The following PCDHA11 variants were observed in gnomAD, a reference collection of about 807,000 sequenced individuals.
The protein encoded by PCDHA11 is protocadherin alpha-11.
PCDHA11 carries 61 observed loss-of-function variants against 70.3 expected under a neutral mutation model. That is an observed-to-expected ratio of 0.87 (90% CI 0.71 to 1.07). The LOEUF is 1.07. Ranked by LOEUF, PCDHA11 falls within the 50% of genes least tolerant of loss-of-function variation. The pLI, the probability that PCDHA11 is intolerant of heterozygous loss-of-function variation, is 0.00. For synonymous variants in PCDHA11, 633 were observed against 555.1 expected (o/e 1.14, Z -1.97); for missense variants, 1,324 against 1,237.5 (o/e 1.07, Z -1.05).
intron 1 of PCDHA11, among the ~76,000 whole-genome samples, chr5:140,916,262 G>C (rs1379588605): frequency 6.6e-6 from 1 of 152,202 alleles, no homozygotes; most frequent in Non-Finnish European, 1.5e-5. Flanking sequence ...GACCCCAAGA[G>C]CATGCTTGTT....
At chr5:140,917,815 G>T (rs554230002) in intron 1 of PCDHA11, among the ~76,000 whole-genome samples, 1 of 152,018 alleles carries the variant, frequency 6.6e-6, no homozygotes, top group South Asian at 2.1e-4. Context: ...TATAGTTGAA[G>T]TTGGGTAGTG....
chr5:140,910,766 T>C (rs2075154722), intron 1 of PCDHA11, among the ~76,000 whole-genome samples: 2 of 152,198 alleles, frequency 1.3e-5, no homozygotes, highest in South Asian at 2.1e-4. Context: ...CTTTTTAAAC[T>C]CCCCAAGCTG....
intron 1 of PCDHA11, among the ~76,000 whole-genome samples, chr5:140,905,949 A>T (rs897929607): frequency 2.0e-5 from 3 of 152,242 alleles, no homozygotes; most frequent in African/African-American, 7.2e-5. Context: ...TTGGAATCCG[A>T]TGTTCAAGGG....
At chr5:140,882,698 G>T in intron 1 of PCDHA11, 1 of 1,614,200 alleles carries the variant, frequency 6.2e-7, no homozygotes, top group Non-Finnish European at 8.5e-7. Context: ...AATCATTGCA[G>T]AATCTAGACC....
At chr5:140,944,438 C>T (rs1585166190) in intron 1 of PCDHA11, among the ~76,000 whole-genome samples, 2 of 152,154 alleles carry the variant, frequency 1.3e-5, no homozygotes, top group Non-Finnish European at 2.9e-5. Flanking sequence ...CTGCCTGCCT[C>T]GGCCTCCCAA....
chr5:140,869,377 C>A lies in PCDHA11; in HGVS notation c.274C>A (p.Arg92Ser), dbSNP rs1055077118. The A allele has an allele frequency of 1.2e-6, 2 of 1,614,110 alleles. No individual in the cohort carries two copies. Among genetic ancestry groups the A allele is most frequent in the Non-Finnish European group, 8.5e-7 (1 of 1,180,040 alleles). The stretch of plus-strand genomic sequence containing the variant: ...TTTGTTTGTGAATTCTCGGATCGAC[C>A]GCGAGGAGCTGTGCGGGCAGAGCGC... ...GILFVNSRID[R>S]EELCGQSAEC... is the part of the protein sequence containing the mutation. The change falls in exon 1 of 4, where the codon CGC becomes AGC. Residue 92 changes from arginine to serine, a missense_variant. Transcript: ENST00000398640.
intron 1 of PCDHA11, among the ~76,000 whole-genome samples, chr5:140,905,536 T>A (rs1562950103): frequency 6.6e-6 from 1 of 152,286 alleles, no homozygotes; most frequent in East Asian, 1.9e-4. Flanking sequence ...TGGTTCCATA[T>A]GAACTTTAGG....
At chr5:140,972,754 CCCAAG>C (rs1290105832) in intron 1 of PCDHA11, among the ~76,000 whole-genome samples, 1 of 151,316 alleles carries the variant, frequency 6.6e-6, no homozygotes, top group African/African-American at 2.4e-5. Context: ...ACCTCCGCCT[CCCAAG>C]TTAAAGTGAT....
chr5:140,877,225 G>T, intron 1 of PCDHA11: 1 of 1,613,746 alleles, frequency 6.2e-7, no homozygotes, highest in South Asian at 1.1e-5. Context: ...ACCGCGGTCG[G>T]TGGGTGCGGG....
At chr5:140,968,141 A>G in intron 1 of PCDHA11, 1 of 1,614,110 alleles carries the variant, frequency 6.2e-7, no homozygotes, top group Non-Finnish European at 8.5e-7. Context: ...GAAGGTTGAG[A>G]TCTCTGACAT....
rs1554206132 is a variant in PCDHA11, at chr5:140,928,678, C to A, written c.2392-50271C>A. 3.1e-6 allele frequency: 5 copies of A among 1,614,192 alleles called. No individual in the cohort carries two copies. The East Asian group carries it at 1.1e-4, about 36-fold the overall frequency. ...TGCTGACAGTGGTTCTAATGCCTGGCTTTCCTACCACATCTCCCGGGCGTC... is the reference window on the plus strand; with the variant it reads ...TGCTGACAGTGGTTCTAATGCCTGGATTTCCTACCACATCTCCCGGGCGTC... On this transcript the variant is annotated intron_variant, in intron 1 of 3. Coordinates refer to ENST00000398640, the MANE Select transcript of PCDHA11 (RefSeq NM_018902.5).
intron 1 of PCDHA11, chr5:140,877,334 C>G (rs375199455): frequency 3.1e-6 from 5 of 1,613,884 alleles, no homozygotes; most frequent in African/African-American, 1.3e-5. Flanking sequence ...GCGCACATCC[C>G]GTTCCACGTG....
intron 3 of PCDHA11, among the ~76,000 whole-genome samples, chr5:140,994,821 T>C (rs2097651680): frequency 6.6e-6 from 1 of 152,052 alleles, no homozygotes. Flanking sequence ...AAAAACTGAA[T>C]TGTGTAGTCT....
At chr5:140,992,514 G>A (rs1256283066) in intron 3 of PCDHA11, among the ~76,000 whole-genome samples, 1 of 152,176 alleles carries the variant, frequency 6.6e-6, no homozygotes, top group Non-Finnish European at 1.5e-5. Flanking sequence ...CTGGGGCATG[G>A]TAGCTAATGG....
chr5:140,869,256 C>T lies in PCDHA11; in HGVS notation c.153C>T (p.Asp51=). The change falls in exon 1 of 4, where the codon GAC becomes GAT. Residue 51 remains aspartate, a synonymous_variant. Coordinates refer to ENST00000398640, the MANE Select transcript of PCDHA11 (RefSeq NM_018902.5). ...CCTTCGTGGGCCGCATCGCGCAGGA[C>T]CTGGGGCTGGAGCTGGCGGAGCTGG... ...HGTFVGRIAQ[D]LGLELAELVQ... is the part of the protein sequence containing the mutation. 2 of 1,613,586 alleles carry T rather than the reference C, an allele frequency of 1.2e-6. No homozygotes were observed. Among genetic ancestry groups the T allele is most frequent in the Non-Finnish European group, 1.7e-6 (2 of 1,179,954 alleles).
At chr5:140,903,824 T>A (rs1439298617) in intron 1 of PCDHA11, among the ~76,000 whole-genome samples, 3 of 152,202 alleles carry the variant, frequency 2.0e-5, no homozygotes, top group Admixed American at 2.0e-4. Context: ...CACATGAATG[T>A]CTGTTGGTAT....
rs150829264 is a variant in PCDHA11 at position 140,948,791 on chromosome 5, A to G, written c.2392-30158A>G. 2.3e-3 allele frequency among the ~76,000 whole-genome samples: 342 copies of G among 151,342 alleles called. 1 individual carries two copies. Among genetic ancestry groups the G allele is most frequent in the Non-Finnish European group, 4.4e-3 (295 of 67,454 alleles). ...ATAGCCAGCTTTTGGCTTTGTTGAT[A>G]TATTTTCTATTGTTTGGTTTCTATT... On this transcript the variant is annotated intron_variant, in intron 1 of 3. Coordinates refer to ENST00000398640, the MANE Select transcript of PCDHA11 (RefSeq NM_018902.5).
Position 140,882,649 on chromosome 5 carries a change from C to T in PCDHA11, c.2391+11155C>T, listed in dbSNP as rs559940161. On this transcript the variant is annotated intron_variant, in intron 1 of 3. Transcript: ENST00000398640. ...TGGAGGTGAAGGTGAGGGACATTAA[C>T]GACAACCCGCCCATATTCCCTGAAA... The T allele has an allele frequency of 6.2e-6, 10 of 1,614,214 alleles. No individual in the cohort carries two copies. In the African/African-American group the frequency reaches 1.1e-4, roughly 17 times the overall value.
chr5:140,869,600 C>T lies in PCDHA11; in HGVS notation c.497C>T (p.Ala166Val), dbSNP rs782754801. ...GASDADIEEN[A>V]LLTYRLSKNE... is the part of the protein sequence containing the mutation. The stretch of plus-strand genomic sequence containing the variant: ...TCTGATGCTGACATTGAAGAGAATG[C>T]TCTATTGACCTACAGGCTAAGTAAA... The change falls in exon 1 of 4, where the codon GCT (alanine) becomes GTT (valine). Residue 166 changes from alanine to valine, a missense_variant. Transcript: ENST00000398640. 1.9e-6 allele frequency: 3 copies of T among 1,613,922 alleles called. No homozygotes were observed. The African/African-American group carries it at 4.0e-5, about 22-fold the overall frequency.
Sources: gnomAD v4.1 joint callset for allele counts (sites outside exome capture counted in the v4.1 genomes callset) on GRCh38, gnomAD v4.1.1 for gene constraint, MANE v1.5 for transcripts, NCBI Gene and HGNC (gene_info 2026-07-23, HGNC 2026-07-21) for gene names.